Variants in CHST11 observed in about 807,000 individuals in gnomAD.
The protein encoded by CHST11 is C4S-1.
Under a neutral mutation model 30.4 loss-of-function variants are expected in CHST11, and 9 were observed. The ratio of observed to expected loss-of-function variants is 0.30; its 90% confidence interval spans 0.18 to 0.52. CHST11 has a LOEUF of 0.52. Ranked by LOEUF, CHST11 falls within the 20% of genes least tolerant of loss-of-function variation. CHST11 has a pLI of 0.97. For missense variants in CHST11, 348 were observed against 460.6 expected, an observed-to-expected ratio of 0.76 and a Z score of 2.24; for synonymous variants, 152 against 187.8, an observed-to-expected ratio of 0.81 and a Z score of 1.56.
At chr12:104,505,329 C>A (rs934833307) in intron 1 of CHST11, among the ~76,000 whole-genome samples, 12 of 152,048 alleles carry the variant, frequency 7.9e-5, no homozygotes, top group Admixed American at 7.9e-4. Flanking sequence ...AACAGCACCC[C>A]CCACACCCCC....
At position 104,495,482 on chromosome 12, in the gene CHST11, G is replaced by A. The variant is rs926519288; in HGVS notation, c.118+37953G>A. Among the ~76,000 whole-genome samples the A allele has an allele frequency of 4.0e-5, 6 of 151,470 alleles. No homozygotes were observed. The South Asian group carries it at 1.2e-3, about 31-fold the overall frequency. ...TTTCCCCACATCCTTGCCAACACTT[G>A]TTACTTTCTAATTTTATTTTTTTTT... On this transcript the variant is annotated intron_variant, in intron 1 of 2. Coordinates refer to ENST00000303694, the MANE Select transcript of CHST11 (RefSeq NM_018413.6).
chr12:104,688,998 G>C (rs2039873264), intron 2 of CHST11, among the ~76,000 whole-genome samples: 1 of 152,194 alleles, frequency 6.6e-6, no homozygotes, highest in Non-Finnish European at 1.5e-5. Flanking sequence ...AATAAAAATA[G>C]TAGACTTTTT....
intron 2 of CHST11, among the ~76,000 whole-genome samples, chr12:104,621,126 G>A (rs554331224): frequency 2.6e-4 from 39 of 152,306 alleles, no homozygotes; most frequent in Non-Finnish European, 1.9e-4. Flanking sequence ...CAAAAGCAGC[G>A]TTGTTGCTGA....
intron 2 of CHST11, among the ~76,000 whole-genome samples, chr12:104,749,599 T>C (rs1291639015): frequency 6.6e-6 from 1 of 152,198 alleles, no homozygotes; most frequent in Non-Finnish European, 1.5e-5. Context: ...GGCATTCTCT[T>C]TTACTATGAG....
chr12:104,595,865 G>A (rs1286565982), intron 1 of CHST11, among the ~76,000 whole-genome samples: 1 of 152,234 alleles, frequency 6.6e-6, no homozygotes, highest in African/African-American at 2.4e-5. Flanking sequence ...TCCAATTCTG[G>A]TTGAAGCTTC....
At chr12:104,699,449 G>T (rs1489227750) in intron 2 of CHST11, among the ~76,000 whole-genome samples, 1 of 152,188 alleles carries the variant, frequency 6.6e-6, no homozygotes, top group South Asian at 2.1e-4. Context: ...TATTCCACCT[G>T]CCTCTTTTTG....
intron 2 of CHST11, among the ~76,000 whole-genome samples, chr12:104,679,325 G>T (rs2039771515): frequency 6.6e-6 from 1 of 152,100 alleles, no homozygotes; most frequent in Non-Finnish European, 1.5e-5. Flanking sequence ...CCGGCCAGGA[G>T]AGAGGCGAAG....
At chr12:104,510,576 G>T (rs934244805) in intron 1 of CHST11, among the ~76,000 whole-genome samples, 5 of 152,126 alleles carry the variant, frequency 3.3e-5, no homozygotes, top group African/African-American at 1.2e-4. Context: ...GCAGGGAGTG[G>T]GTGACTATTA....
chr12:104,507,068 G>C (rs1393863607), intron 1 of CHST11, among the ~76,000 whole-genome samples: 1 of 152,170 alleles, frequency 6.6e-6, no homozygotes, highest in Non-Finnish European at 1.5e-5. Flanking sequence ...GCTGGCTCCA[G>C]GTGCTGGTCC....
At chr12:104,721,661 G>A (rs888632668) in intron 2 of CHST11, among the ~76,000 whole-genome samples, 2 of 152,064 alleles carry the variant, frequency 1.3e-5, no homozygotes, top group Admixed American at 6.5e-5. Flanking sequence ...GGTATAAGGA[G>A]TTACGTGAAC....
chr12:104,626,096 A>G (rs2039212352), intron 2 of CHST11, among the ~76,000 whole-genome samples: 1 of 152,316 alleles, frequency 6.6e-6, no homozygotes. Flanking sequence ...CCTTCAGGAC[A>G]CCAGCCTAAA....
intron 1 of CHST11, among the ~76,000 whole-genome samples, chr12:104,487,606 T>G (rs1240050478): frequency 6.6e-6 from 1 of 152,258 alleles, no homozygotes; most frequent in African/African-American, 2.4e-5. Context: ...ATTGTCCTTA[T>G]TTTACTGATG....
At position 104,675,650 on chromosome 12, in the gene CHST11, GT is replaced by G. The variant is rs566945195; in HGVS notation, c.204+73660del. ...GGGTTGAAGAACCACTCACTCTGGA[GT>G]CAGATTCCTGGTCCTAAACCACGTA... On this transcript the variant is annotated intron_variant, in intron 2 of 2. Coordinates refer to ENST00000303694, the MANE Select transcript of CHST11 (RefSeq NM_018413.6). 3.1e-4 allele frequency among the ~76,000 whole-genome samples: 47 copies of G among 152,340 alleles called. No individual in the cohort carries two copies. The South Asian group carries it at 5.8e-3, about 19-fold the overall frequency.
At chr12:104,703,327 CA>C (rs1304695511) in intron 2 of CHST11, among the ~76,000 whole-genome samples, 5 of 152,230 alleles carry the variant, frequency 3.3e-5, no homozygotes, top group Admixed American at 6.5e-5. Flanking sequence ...GCAAATTTGA[CA>C]GGTCTGAAAC....
chr12:104,577,582 G>A (rs867001583), intron 1 of CHST11, among the ~76,000 whole-genome samples: 19 of 136,030 alleles, frequency 1.4e-4, no homozygotes, highest in African/African-American at 4.7e-4. Flanking sequence ...AGTGAGCTAC[G>A]TTTAACACTT....
At chr12:104,670,446 C>T (rs918340263) in intron 2 of CHST11, among the ~76,000 whole-genome samples, 1 of 149,942 alleles carries the variant, frequency 6.7e-6, no homozygotes, top group African/African-American at 2.5e-5. Flanking sequence ...AGCATATACA[C>T]ATGTGCAAGT....
intron 1 of CHST11, among the ~76,000 whole-genome samples, chr12:104,496,812 T>C (rs1014583238): frequency 4.6e-5 from 7 of 152,204 alleles, no homozygotes; most frequent in Non-Finnish European, 1.0e-4. Flanking sequence ...TAGGATGTTT[T>C]ATGTATGGTG....
chr12:104,620,845 G>A (rs924260592), intron 2 of CHST11, among the ~76,000 whole-genome samples: 10 of 152,168 alleles, frequency 6.6e-5, no homozygotes, highest in African/African-American at 1.9e-4. Context: ...AAAACCAGGA[G>A]CTAGGAGAAT....
rs1441073712 is a variant in CHST11, at chr12:104,600,075, G to T, written c.119-1831G>T. 1.3e-5 allele frequency among the ~76,000 whole-genome samples: 2 copies of T among 152,162 alleles called. No individual in the cohort carries two copies. Among genetic ancestry groups the T allele is most frequent in the Non-Finnish European group, 2.9e-5 (2 of 68,016 alleles). ...TGTTTGGCCCCTTACAGAAAATTTT[G>T]CTGACCCCTGCCCTAGGAAGTCAAG... On this transcript the variant is annotated intron_variant, in intron 1 of 2. Coordinates refer to ENST00000303694, the MANE Select transcript of CHST11 (RefSeq NM_018413.6). The surrounding 1 kb of genome is among the most constrained non-coding windows in gnomAD (Gnocchi z 4.1).
Sources: allele counts gnomAD v4.1 joint callset (sites outside exome capture counted in the v4.1 genomes callset), GRCh38; gene constraint gnomAD v4.1.1; non-coding constraint Gnocchi (gnomAD v3.1); transcripts MANE v1.5; gene names NCBI Gene and HGNC (gene_info 2026-07-23, HGNC 2026-07-21).